SPHKAP: variants seen among roughly 807,000 people sequenced by gnomAD.
SPHKAP encodes the protein A-kinase anchor protein SPHKAP.
In SPHKAP, 67 loss-of-function variants were observed where a neutral mutation model predicts 137.5. That is an observed-to-expected ratio of 0.49 (90% confidence interval 0.40 to 0.60). The LOEUF (loss-of-function observed/expected upper bound fraction) is 0.60. SPHKAP is among the 20% of genes least tolerant of loss of function. The pLI is 0.00. For synonymous variants in SPHKAP, 813 were observed against 785.3 expected, an observed-to-expected ratio of 1.04 and a Z score of -0.59; for missense variants, 2,097 against 2,069.3, an observed-to-expected ratio of 1.01 and a Z score of -0.26.
chr2:228,158,463 T>A (rs957552973), intron 1 of SPHKAP, among the ~76,000 whole-genome samples: 5 of 151,972 alleles, frequency 3.3e-5, no homozygotes, highest in Non-Finnish European at 1.5e-5. Flanking sequence ...AAGTTTAAAT[T>A]GTGTCCTTGG....
chr2:227,998,592 C>A (rs1693723713), intron 7 of SPHKAP, among the ~76,000 whole-genome samples: 1 of 152,156 alleles, frequency 6.6e-6, no homozygotes, highest in South Asian at 2.1e-4. Flanking sequence ...AGGCTGCTGA[C>A]TGTACACACT....
In SPHKAP at chr2:228,063,170, A is replaced by ATCTGTCTGTCTG. The variant is rs1208275221; in HGVS notation, c.247-35628_247-35627insCAGACAGACAGA. On this transcript the variant is annotated intron_variant, in intron 3 of 11. Coordinates refer to ENST00000392056, the MANE Select transcript of SPHKAP (RefSeq NM_001142644.2). The stretch of plus-strand genomic sequence containing the variant: ...TATCTATCTATCTATCTATCTATCT[A>ATCTGTCTGTCTG]TCTATCTGTCTGTCTGTCTGTCTGT... 2.1e-3 allele frequency among the ~76,000 whole-genome samples: 286 copies of ATCTGTCTGTCTG among 139,426 alleles called. 2 individuals are homozygous for ATCTGTCTGTCTG. The highest frequency in any genetic ancestry group is 8.2e-3 in the African/African-American group (267 of 32,418). 91.5% of individuals were successfully genotyped at this position (139,426 alleles called of 152,430 possible).
At chr2:228,049,249 G>T (rs1173131607) in intron 3 of SPHKAP, among the ~76,000 whole-genome samples, 1 of 152,130 alleles carries the variant, frequency 6.6e-6, no homozygotes, top group Non-Finnish European at 1.5e-5. Flanking sequence ...ATCAATGTAT[G>T]TTTAAACATA....
chr2:228,036,165 T>A (rs1005867662), intron 3 of SPHKAP, among the ~76,000 whole-genome samples: 14 of 149,660 alleles, frequency 9.4e-5, no homozygotes, highest in East Asian at 3.9e-4. Flanking sequence ...GAATCTACAA[T>A]GAACTCAAAC....
rs528992876 is a variant in SPHKAP, at chr2:228,121,310, G to T, written c.138+10670C>A. On this transcript the variant is annotated intron_variant, in intron 2 of 11. Coordinates refer to ENST00000392056, the MANE Select transcript of SPHKAP (RefSeq NM_001142644.2). The stretch of plus-strand genomic sequence containing the variant: ...GGATGACTTGAGGCCAGGAGTTCAA[G>T]AACAATCTGAGCAATATTGTGAAAC... Among the ~76,000 whole-genome samples, 4 of 152,188 alleles carry T rather than the reference G, an allele frequency of 2.6e-5. No homozygotes were observed. In the South Asian group the frequency reaches 8.3e-4, roughly 32 times the overall value.
chr2:228,054,499 C>T (rs1574804778), intron 3 of SPHKAP, among the ~76,000 whole-genome samples: 1 of 152,116 alleles, frequency 6.6e-6, no homozygotes, highest in East Asian at 1.9e-4. Flanking sequence ...CACTTAATTA[C>T]AGACTTGCAA....
At chr2:228,093,278 C>T (rs1184461524) in intron 3 of SPHKAP, among the ~76,000 whole-genome samples, 1 of 152,162 alleles carries the variant, frequency 6.6e-6, no homozygotes. Flanking sequence ...AATTCTACTT[C>T]TTGGTTTATA....
At position 228,018,605 on chromosome 2, in the gene SPHKAP, C is replaced by T; in HGVS notation, c.2249G>A (p.Ser750Asn). 1 of 1,614,052 alleles carries T rather than the reference C, an allele frequency of 6.2e-7. No individual in the cohort carries two copies. Among genetic ancestry groups the T allele is most frequent in the South Asian group, 1.1e-5 (1 of 91,042 alleles). The part of the protein sequence containing the change: ...ETIRRRETEP[S>N]CQPSDPGASQ... ...AGCACCCGGATCAGATGGCTGGCAG[C>T]TTGGTTCTGTCTCCCTCCTTCTGAT... The change falls in exon 7 of 12, where the codon AGC (serine) becomes AAC (asparagine). Residue 750 changes from serine to asparagine, a missense_variant. Coordinates refer to ENST00000392056, the MANE Select transcript of SPHKAP (RefSeq NM_001142644.2).
In SPHKAP at chr2:228,016,440, C is replaced by T. The variant is rs1298653488; in HGVS notation, c.4414G>A (p.Gly1472Arg). ...TGACAAGCGCTCACGGCTGTGTCTC[C>T]ACCTCTCACCACATCTGGGATGTTT... ...DKNIPDVVRG[G>R]DTAVSACQIH... The change falls in exon 7 of 12, where the codon GGA becomes AGA. Residue 1472 changes from glycine (G) to arginine (R), a missense_variant. By Grantham distance (125) the Gly-to-Arg change is moderately radical. Transcript: ENST00000392056. 6.2e-7 allele frequency: 1 copy of T among 1,608,560 alleles called. No homozygotes were observed. The highest frequency in any genetic ancestry group is 8.5e-7 in the Non-Finnish European group (1 of 1,177,974).
At chr2:228,139,584 T>A (rs998718274) in intron 1 of SPHKAP, among the ~76,000 whole-genome samples, 2 of 152,222 alleles carry the variant, frequency 1.3e-5, no homozygotes, top group African/African-American at 4.8e-5. Context: ...TAGTTTTATA[T>A]CTTTAAAAGC....
intron 3 of SPHKAP, among the ~76,000 whole-genome samples, chr2:228,082,089 A>T (rs901157546): frequency 2.0e-5 from 3 of 152,230 alleles, no homozygotes; most frequent in Non-Finnish European, 4.4e-5. Flanking sequence ...AATTTAAAAA[A>T]CAAATAAATA....
At chr2:227,998,932 A>G (rs1254491650) in intron 7 of SPHKAP, among the ~76,000 whole-genome samples, 2 of 152,220 alleles carry the variant, frequency 1.3e-5, no homozygotes, top group African/African-American at 4.8e-5. Context: ...ATACAACCTA[A>G]GACAGGTGGC....
rs763615196 is a variant in SPHKAP, at chr2:228,019,401, C to T, written c.1453G>A (p.Gly485Arg). 6.2e-7 allele frequency: 1 copy of T among 1,614,016 alleles called. No homozygotes were observed. Among genetic ancestry groups the T allele is most frequent in the Non-Finnish European group, 8.5e-7 (1 of 1,180,036 alleles). The part of the protein sequence containing the change: ...VSVETSSILS[G>R]ENSSRQPQSA... ...TGGGGTTGTCTGCTGGAGTTCTCTC[C>T]AGAGAGGATGCTTGAGGTTTCAACA... Residue 485 changes from glycine (G) to arginine (R), a missense_variant, in exon 7 of 12, where the codon GGA (glycine) becomes AGA (arginine). Transcript: ENST00000392056.
intron 1 of SPHKAP, among the ~76,000 whole-genome samples, chr2:228,150,067 T>C (rs1299223698): frequency 6.6e-6 from 1 of 152,216 alleles, no homozygotes. Context: ...AAGGAAGTTC[T>C]TGTCTGTCTG....
intron 6 of SPHKAP, 159 bp from the exon 7 acceptor site, chr2:228,020,315 C>T: frequency 1.9e-6 from 1 of 524,132 alleles, no homozygotes. Context: ...TTGGAACCAA[C>T]CCAAATGTCC....
At chr2:228,032,967 C>T (rs540112138) in intron 3 of SPHKAP, among the ~76,000 whole-genome samples, 1 of 152,312 alleles carries the variant, frequency 6.6e-6, no homozygotes, top group African/African-American at 2.4e-5. Context: ...AAAACTGCAT[C>T]AACTAACGAG....
intron 2 of SPHKAP, among the ~76,000 whole-genome samples, chr2:228,125,828 G>A (rs1699059478): frequency 1.3e-5 from 2 of 152,130 alleles, no homozygotes; most frequent in Admixed American, 1.3e-4. Flanking sequence ...TGTAATCCCA[G>A]CACTTTGGGA....
chr2:228,009,999 G>C (rs1002869975), intron 7 of SPHKAP, among the ~76,000 whole-genome samples: 6 of 152,082 alleles, frequency 3.9e-5, no homozygotes, highest in African/African-American at 1.4e-4. Context: ...GAGGCTTCCT[G>C]TGCAGATTCC....
chr2:228,145,693 GA>G (rs1307521050), intron 1 of SPHKAP, among the ~76,000 whole-genome samples: 1 of 152,126 alleles, frequency 6.6e-6, no homozygotes. Flanking sequence ...ACTTAAAATA[GA>G]AGTAGTTTTA....
Sources: gnomAD v4.1 joint callset for allele counts (sites outside exome capture counted in the v4.1 genomes callset) on GRCh38, gnomAD v4.1.1 for gene constraint, MANE v1.5 for transcripts, NCBI Gene and HGNC (gene_info 2026-07-23, HGNC 2026-07-21) for gene names.